NDUFAF6: variants seen among roughly 807,000 people sequenced by gnomAD.
NDUFAF6 encodes NADH:ubiquinone oxidoreductase complex assembly factor 6.
NDUFAF6 carries 45 observed loss-of-function variants against 40.8 expected under a neutral mutation model. That is an observed-to-expected ratio of 1.10 (90% CI 0.87 to 1.42). The LOEUF (loss-of-function observed/expected upper bound fraction) is 1.42. Ranked by LOEUF, NDUFAF6 falls within the 40% of genes most tolerant of loss-of-function variation. The pLI, the probability that NDUFAF6 is intolerant of heterozygous loss-of-function variation, is 0.00. For synonymous variants in NDUFAF6, 185 were observed against 155.9 expected, an observed-to-expected ratio of 1.19 and a Z score of -1.39; for missense variants, 435 against 418.5, an observed-to-expected ratio of 1.04 and a Z score of -0.34.
chr8:95,017,306 A>G (rs890874046), intron 2 of NDUFAF6, among the ~76,000 whole-genome samples: 8 of 152,042 alleles, frequency 5.3e-5, no homozygotes, highest in Admixed American at 5.2e-4. Flanking sequence ...GGGGTCATAC[A>G]GAGGCATGTG....
chr8:95,056,468 C>T (rs753935784), intron 8 of NDUFAF6, among the ~76,000 whole-genome samples: 1 of 152,104 alleles, frequency 6.6e-6, no homozygotes, highest in Non-Finnish European at 1.5e-5. Flanking sequence ...CTGCCTCGGT[C>T]TCCCAAAGTG....
intron 2 of NDUFAF6, among the ~76,000 whole-genome samples, chr8:95,093,056 A>G (rs963173316): frequency 7.3e-6 from 1 of 136,804 alleles, no homozygotes; most frequent in Non-Finnish European, 1.5e-5. Flanking sequence ...GTTTGAGCTG[A>G]GTTCATAACC....
At chr8:94,922,767 C>T (rs1819592855) in intron 1 of NDUFAF6, among the ~76,000 whole-genome samples, 1 of 152,210 alleles carries the variant, frequency 6.6e-6, no homozygotes, top group South Asian at 2.1e-4. Flanking sequence ...GCATGTGCCA[C>T]TGCGCTGGCT....
At chr8:95,055,573 A>T (rs1832021757) in intron 8 of NDUFAF6, among the ~76,000 whole-genome samples, 1 of 152,206 alleles carries the variant, frequency 6.6e-6, no homozygotes, top group Non-Finnish European at 1.5e-5. Context: ...AATTAGCATA[A>T]TTCTTACAGA....
intron 4 of NDUFAF6, among the ~76,000 whole-genome samples, chr8:95,110,017 T>C (rs980166163): frequency 2.6e-5 from 4 of 152,214 alleles, no homozygotes; most frequent in African/African-American, 9.6e-5. Context: ...TTCTTATTAA[T>C]TTAGGAGGAA....
At chr8:95,006,951 A>G (rs1355826233) in intron 2 of NDUFAF6, among the ~76,000 whole-genome samples, 1 of 152,102 alleles carries the variant, frequency 6.6e-6, no homozygotes, top group Non-Finnish European at 1.5e-5. Flanking sequence ...TGGGAGAGTA[A>G]GACCGAAAGA....
chr8:95,092,243 A>G (rs1488930360), intron 2 of NDUFAF6, among the ~76,000 whole-genome samples: 1 of 149,492 alleles, frequency 6.7e-6, no homozygotes, highest in Non-Finnish European at 1.5e-5. Flanking sequence ...GTGCAAAGGC[A>G]TAATCTTGGC....
chr8:95,108,843 T>C (rs1809914942), intron 4 of NDUFAF6, among the ~76,000 whole-genome samples: 1 of 152,172 alleles, frequency 6.6e-6, no homozygotes, highest in Admixed American at 6.5e-5. Flanking sequence ...CTTCTGAGTA[T>C]GTACACAAAA....
chr8:94,994,051 AG>A (rs1009737398), intron 2 of NDUFAF6, among the ~76,000 whole-genome samples: 1 of 152,070 alleles, frequency 6.6e-6, no homozygotes, highest in Non-Finnish European at 1.5e-5. Flanking sequence ...AAAGGGTAGG[AG>A]GAGAAGGTAT....
chr8:95,079,097 G>A (rs112245696), downstream of NDUFAF6, among the ~76,000 whole-genome samples: 2,702 of 151,870 alleles, frequency 0.018, 78 homozygotes, highest in African/African-American at 0.062. Flanking sequence ...TCAGTCTCCC[G>A]AGCATCTGGA....
chr8:94,994,057 A>G (rs1014335776), intron 2 of NDUFAF6, among the ~76,000 whole-genome samples: 2 of 152,074 alleles, frequency 1.3e-5, no homozygotes, highest in African/African-American at 2.4e-5. Flanking sequence ...TAGGAGGAGA[A>G]GGTATAGGTC....
intron 1 of NDUFAF6, among the ~76,000 whole-genome samples, chr8:94,931,880 G>C (rs1820439243): frequency 6.6e-6 from 1 of 152,170 alleles, no homozygotes; most frequent in African/African-American, 2.4e-5. Flanking sequence ...GCTGAAACAA[G>C]AGAATCACTT....
intron 3 of NDUFAF6, chr8:95,040,760 T>G (rs1830055881): frequency 6.6e-6 from 1 of 152,266 alleles, no homozygotes; most frequent in Non-Finnish European, 1.5e-5. Flanking sequence ...TATGTCCTTG[T>G]GACACGCTTC....
chr8:94,984,074 T>C (rs1825650855), intron 2 of NDUFAF6: 1 of 152,248 alleles, frequency 6.6e-6, no homozygotes, highest in Admixed American at 6.5e-5. Flanking sequence ...TGTCCAGCTT[T>C]GTAGTTGCTG....
chr8:94,942,077 G>A (rs1821592524), intron 1 of NDUFAF6, among the ~76,000 whole-genome samples: 1 of 151,394 alleles, frequency 6.6e-6, no homozygotes, highest in African/African-American at 2.4e-5. Flanking sequence ...CTGTTGCCCA[G>A]GCTGGAGTGC....
chr8:94,920,660 T>C (rs1022074699), intron 1 of NDUFAF6, among the ~76,000 whole-genome samples: 7 of 152,198 alleles, frequency 4.6e-5, no homozygotes, highest in Admixed American at 3.9e-4. Context: ...TGTTGCAGAA[T>C]GTCTGCCCAG....
chr8:94,933,176 G>A (rs535166450), intron 1 of NDUFAF6, among the ~76,000 whole-genome samples: 29 of 151,748 alleles, frequency 1.9e-4, no homozygotes, highest in Middle Eastern at 3.5e-3. Flanking sequence ...AGATTGCGCC[G>A]CTGCAATCCA....
chr8:95,050,691 G>A (rs1249155598), intron 7 of NDUFAF6, among the ~76,000 whole-genome samples: 1 of 152,192 alleles, frequency 6.6e-6, no homozygotes, highest in Admixed American at 6.5e-5. Context: ...AACCCTGCTA[G>A]CAGTGTTTGA....
intron 2 of NDUFAF6, among the ~76,000 whole-genome samples, chr8:95,006,630 C>T (rs2131661376): frequency 6.6e-6 from 1 of 152,208 alleles, no homozygotes; most frequent in East Asian, 1.9e-4. Flanking sequence ...CGTGTAACCC[C>T]AGCATTTTGG....
Sources: allele counts gnomAD v4.1 joint callset (sites outside exome capture counted in the v4.1 genomes callset), GRCh38; gene constraint gnomAD v4.1.1; transcripts MANE v1.5; gene names NCBI Gene and HGNC (gene_info 2026-07-23, HGNC 2026-07-21).